Variants in CHM observed in about 807,000 individuals in gnomAD.
CHM encodes the protein CHM Rab escort protein, also known as rab proteins geranylgeranyltransferase component A 1.
A neutral mutation model predicts 49.0 loss-of-function variants in CHM; 10 were observed. The observed-to-expected ratio is 0.20, with a 90% confidence interval of 0.13 to 0.35. CHM has a LOEUF of 0.35. CHM is among the 10% of genes least tolerant of loss of function. The pLI is 1.00. For synonymous variants in CHM, 184 were observed against 167.5 expected, an observed-to-expected ratio of 1.10 and a Z score of -0.76; for missense variants, 455 against 478.4, an observed-to-expected ratio of 0.95 and a Z score of 0.46.
At chrX:85,893,390 CATAA>C (rs1468334910) in intron 12 of CHM, among the ~76,000 whole-genome samples, 24 of 111,668 alleles carry the variant, frequency 2.1e-4, no homozygotes, top group African/African-American at 7.2e-4. Flanking sequence ...ACTTTAGTCT[CATAA>C]ATAAACAAAA....
chrX:86,015,087 G>A (rs1337156936), intron 2 of CHM, among the ~76,000 whole-genome samples: 2 of 110,374 alleles, frequency 1.8e-5, no homozygotes, highest in African/African-American at 6.6e-5. Context: ...TAAAGGAATA[G>A]AAACTTCTTC....
intron 4 of CHM, among the ~76,000 whole-genome samples, chrX:85,977,423 T>A (rs1434765110): frequency 8.9e-6 from 1 of 112,149 alleles, no homozygotes; most frequent in East Asian, 2.8e-4. Flanking sequence ...ACTGAAGAGA[T>A]CAGGAACTGA....
chrX:86,030,216 C>G (rs1933985990), intron 1 of CHM, among the ~76,000 whole-genome samples: 1 of 112,361 alleles, frequency 8.9e-6, no homozygotes, highest in South Asian at 3.6e-4. Context: ...TTACATAAAG[C>G]CAAAATGACT....
At chrX:86,025,916 A>G (rs372574122) in intron 2 of CHM, among the ~76,000 whole-genome samples, 54 of 110,270 alleles carry the variant, frequency 4.9e-4, no homozygotes, top group African/African-American at 1.6e-3. Flanking sequence ...AAAGAAACTA[A>G]TATGTTGACT....
intron 12 of CHM, among the ~76,000 whole-genome samples, chrX:85,879,301 GTTATAC>G (rs200326335): frequency 0.015 from 1,686 of 111,641 alleles, 36 homozygotes; most frequent in African/African-American, 0.051. Flanking sequence ...AAAAGAGCTT[GTTATAC>G]TTATGACATT....
intron 4 of CHM, among the ~76,000 whole-genome samples, chrX:85,977,080 G>C (rs758315829): frequency 8.9e-6 from 1 of 111,884 alleles, no homozygotes; most frequent in African/African-American, 3.3e-5. Context: ...AAAGATTAAG[G>C]ATGCCAGTCT....
Position 85,983,098 on chromosome X carries a change from T to C in CHM, c.117-1289A>G, listed in dbSNP as rs766075607. On this transcript the variant is annotated intron_variant, in intron 2 of 14. Coordinates refer to ENST00000357749, the MANE Select transcript of CHM (RefSeq NM_000390.4). Reference sequence around the variant, plus strand: ...AACACAGGTCTGAAAAGTAAGCAGATTTTAGGCTCAAGCATTTTACCAAAC... The same window carrying C: ...AACACAGGTCTGAAAAGTAAGCAGACTTTAGGCTCAAGCATTTTACCAAAC... 1.6e-4 allele frequency among the ~76,000 whole-genome samples: 18 copies of C among 111,627 alleles called. 1 individual carries two copies. Among genetic ancestry groups the C allele is most frequent in the African/African-American group, 5.5e-4 (17 of 30,716 alleles).
At chrX:85,977,753 A>C (rs1334345422) in intron 4 of CHM, among the ~76,000 whole-genome samples, 1 of 112,280 alleles carries the variant, frequency 8.9e-6, no homozygotes, top group Non-Finnish European at 1.9e-5. Context: ...TTCATACCAA[A>C]TGGTATTTAG....
At chrX:85,999,611 G>A (rs1603274829) in intron 2 of CHM, among the ~76,000 whole-genome samples, 1 of 111,769 alleles carries the variant, frequency 8.9e-6, no homozygotes, top group African/African-American at 3.2e-5. Flanking sequence ...TAACAACTTC[G>A]AGTTTAAAGT....
intron 2 of CHM, among the ~76,000 whole-genome samples, chrX:85,988,810 T>C (rs1433317215): frequency 9.0e-6 from 1 of 111,689 alleles, no homozygotes; most frequent in Non-Finnish European, 1.9e-5. Flanking sequence ...AAAAGTTCTC[T>C]ACAATAAGAA....
intron 2 of CHM, among the ~76,000 whole-genome samples, chrX:85,996,204 T>C (rs1277242491): frequency 1.8e-5 from 2 of 112,222 alleles, no homozygotes; most frequent in African/African-American, 6.5e-5. Flanking sequence ...CTCACATGAA[T>C]AGCTGTTGAA....
intron 13 of CHM, among the ~76,000 whole-genome samples, chrX:85,875,064 T>G (rs1924331235): frequency 9.0e-6 from 1 of 111,677 alleles, no homozygotes; most frequent in African/African-American, 3.3e-5. Flanking sequence ...AGGAAATGAA[T>G]AATCCAATAG....
intron 2 of CHM, among the ~76,000 whole-genome samples, chrX:85,997,308 A>C (rs1932485131): frequency 9.0e-6 from 1 of 111,403 alleles, no homozygotes. Flanking sequence ...TTTAATGTCT[A>C]TACCCCCTAG....
intron 1 of CHM, among the ~76,000 whole-genome samples, chrX:86,032,402 T>C (rs755487790): frequency 1.7e-4 from 19 of 111,309 alleles, no homozygotes; most frequent in African/African-American, 6.2e-4. Flanking sequence ...ACAGTGGCTG[T>C]TGGCATGTCA....
At chrX:85,911,613 G>A (rs1011906830) in intron 8 of CHM, among the ~76,000 whole-genome samples, 2 of 109,341 alleles carry the variant, frequency 1.8e-5, no homozygotes, top group Non-Finnish European at 3.8e-5. Context: ...ATTATCCCCC[G>A]AAAATCAGCT....
At chrX:85,998,618 C>T (rs1038984382) in intron 2 of CHM, among the ~76,000 whole-genome samples, 1 of 111,882 alleles carries the variant, frequency 8.9e-6, no homozygotes, top group Non-Finnish European at 1.9e-5. Context: ...CATCAGGCAA[C>T]ACTGTAGAGT....
intron 14 of CHM, among the ~76,000 whole-genome samples, chrX:85,870,019 G>A (rs1378867264): frequency 8.9e-6 from 1 of 111,859 alleles, no homozygotes; most frequent in African/African-American, 3.2e-5. Flanking sequence ...CTACTCATAA[G>A]CTGAAAGTAG....
intron 8 of CHM, among the ~76,000 whole-genome samples, chrX:85,927,502 T>C (rs1055222910): frequency 8.9e-6 from 1 of 112,464 alleles, no homozygotes. Flanking sequence ...TAAGTTTCAA[T>C]TATTAAACTG....
intron 1 of CHM, among the ~76,000 whole-genome samples, chrX:86,041,485 G>A (rs1485423998): frequency 5.5e-5 from 6 of 109,179 alleles, no homozygotes; most frequent in Middle Eastern, 8.6e-3. Flanking sequence ...AAATAAGACC[G>A]ATACTAAATC....
Sources: gnomAD v4.1 joint callset for allele counts (sites outside exome capture counted in the v4.1 genomes callset) on GRCh38, gnomAD v4.1.1 for gene constraint, MANE v1.5 for transcripts, NCBI Gene and HGNC (gene_info 2026-07-23, HGNC 2026-07-21) for gene names.